Variants in SLC4A4 observed in about 807,000 individuals in gnomAD.
The protein encoded by SLC4A4 is solute carrier family 4 member 4.
In SLC4A4, 27 loss-of-function variants were observed where a neutral mutation model predicts 111.5. That is an observed-to-expected ratio of 0.24 (90% confidence interval 0.18 to 0.33). The LOEUF (loss-of-function observed/expected upper bound fraction) is 0.33. Among genes scored for constraint, SLC4A4 ranks in the 10% least tolerant of loss-of-function variants. The probability of loss-of-function intolerance (pLI) is 1.00; values close to 1 mark genes in which losing one functional copy is unlikely to be tolerated. For synonymous variants in SLC4A4, 443 were observed against 463.4 expected (o/e 0.96, Z 0.57); for missense variants, 909 against 1,315.5 (o/e 0.69, Z 4.78).
At chr4:71,533,740 C>T (rs139017178) in intron 17 of SLC4A4, among the ~76,000 whole-genome samples, 3 of 151,916 alleles carry the variant, frequency 2.0e-5, no homozygotes, top group Non-Finnish European at 2.9e-5. Flanking sequence ...TGTTAAAATT[C>T]GGCAATAGTA....
rs774799248 is a variant in SLC4A4, at chr4:71,472,911, C to T, written c.1844C>T (p.Ser615Phe). The T allele has an allele frequency of 6.2e-7, 1 of 1,612,964 alleles. No homozygotes were observed. The highest frequency in any genetic ancestry group is 2.2e-5 in the East Asian group (1 of 44,784). The change falls in exon 14 of 26, where the codon TCC becomes TTC. Residue 615 changes from serine (S) to phenylalanine (F), a missense_variant. Ser to Phe is a radical substitution (Grantham distance 155). Around this residue, in one of 7 missense-constraint regions of SLC4A4, gnomAD observed 264 missense variants for 356.8 expected, o/e 0.74. Coordinates refer to ENST00000264485, the MANE Select transcript of SLC4A4 (RefSeq NM_001098484.3). ...CTTGCAGATTACTACCCCATCAACT[C>T]CAACTTCAAAGTGGGCTACAACACT... The part of the protein sequence containing the change: ...IKLADYYPIN[S>F]NFKVGYNTLF...
chr4:71,165,064 A>G (rs909424968), intron 2 of SLC4A4, among the ~76,000 whole-genome samples: 25 of 152,314 alleles, frequency 1.6e-4, no homozygotes, highest in Non-Finnish European at 3.2e-4. Flanking sequence ...CAAATGCTGG[A>G]GAGGATGTGG....
intron 1 of SLC4A4, among the ~76,000 whole-genome samples, chr4:71,069,053 C>T (rs1402529741): frequency 6.6e-6 from 1 of 152,212 alleles, no homozygotes; most frequent in Non-Finnish European, 1.5e-5. Flanking sequence ...TGTTAGAGGG[C>T]AGCCTTTGGC....
At chr4:71,478,060 T>A (rs1000960349) in intron 14 of SLC4A4, among the ~76,000 whole-genome samples, 11 of 151,862 alleles carry the variant, frequency 7.2e-5, no homozygotes. Flanking sequence ...AAAACCACAA[T>A]GAGATACCAT....
chr4:71,320,995 G>C (rs533712794), intron 3 of SLC4A4, among the ~76,000 whole-genome samples: 1 of 151,992 alleles, frequency 6.6e-6, no homozygotes, highest in Non-Finnish European at 1.5e-5. Flanking sequence ...TCTAATATAA[G>C]GGATTAAGAA....
intron 6 of SLC4A4, among the ~76,000 whole-genome samples, chr4:71,372,089 T>C (rs1731947325): frequency 6.6e-6 from 1 of 152,254 alleles, no homozygotes. Flanking sequence ...AACAAATTTG[T>C]AACAAGGTTT....
At chr4:71,512,147 G>A (rs545030692) in intron 16 of SLC4A4, among the ~76,000 whole-genome samples, 10 of 152,112 alleles carry the variant, frequency 6.6e-5, no homozygotes, top group Admixed American at 2.0e-4. Flanking sequence ...CCAGTACTGC[G>A]TTTGCTGGAT....
chr4:71,462,414 T>C lies in SLC4A4; in HGVS notation c.1498-4030T>C, dbSNP rs1726918304. Among the ~76,000 whole-genome samples, 3 of 145,530 alleles carry C rather than the reference T, an allele frequency of 2.1e-5. No homozygotes were observed. The South Asian group carries it at 6.7e-4, about 32-fold the overall frequency. On this transcript the variant is annotated intron_variant, in intron 12 of 25. Transcript: ENST00000264485. ...GAGATTATCCAGTCCAACCTCCTCATCTTTTTTTTTTTTTTTTTTTTTTTG... is the reference window on the plus strand; with the variant it reads ...GAGATTATCCAGTCCAACCTCCTCACCTTTTTTTTTTTTTTTTTTTTTTTG...
chr4:71,095,408 A>G (rs1742516299), intron 2 of SLC4A4, among the ~76,000 whole-genome samples: 2 of 152,212 alleles, frequency 1.3e-5, no homozygotes, highest in South Asian at 4.1e-4. Context: ...GGACAGCACC[A>G]GGGTGGGGAG....
At chr4:71,186,986 G>A (rs1745478077), upstream of SLC4A4, 1 of 152,518 alleles carries the variant, frequency 6.6e-6, no homozygotes, top group African/African-American at 2.4e-5. Context: ...ACATCCCCCC[G>A]CGCCACCTTT....
chr4:71,178,746 T>A (rs1472190464), intron 2 of SLC4A4, among the ~76,000 whole-genome samples: 1 of 152,140 alleles, frequency 6.6e-6, no homozygotes, highest in Non-Finnish European at 1.5e-5. Context: ...CAGGACCAGA[T>A]GGATTCACAG....
rs553589508 is a variant in SLC4A4, at chr4:71,161,057, C to G, written c.-2+68265C>G. Among the ~76,000 whole-genome samples the G allele has an allele frequency of 5.9e-5, 9 of 152,280 alleles. 1 individual carries two copies. The South Asian group carries it at 1.9e-3, about 32-fold the overall frequency. On this transcript the variant is annotated intron_variant, in intron 2 of 26. Coordinates refer to the SLC4A4 transcript ENST00000649996. ...TCTATGCCTGGGGGCTGGGGTATGT[C>G]TGCTGAGGGCCAGAGGGCGGAGAGA...
intron 14 of SLC4A4, among the ~76,000 whole-genome samples, chr4:71,484,699 CAGT>C (rs1729209120): frequency 6.6e-6 from 1 of 151,660 alleles, no homozygotes; most frequent in East Asian, 1.9e-4. Context: ...AGAAGAATCT[CAGT>C]GGTGGTTCAA....
At chr4:71,131,812 AG>A (rs1743713959) in intron 2 of SLC4A4, among the ~76,000 whole-genome samples, 1 of 152,174 alleles carries the variant, frequency 6.6e-6, no homozygotes, top group Admixed American at 6.5e-5. Context: ...GTGTGTCTGG[AG>A]TCCCGAGCCC....
At chr4:71,191,814 C>A (rs539817682) in intron 1 of SLC4A4, among the ~76,000 whole-genome samples, 1 of 152,238 alleles carries the variant, frequency 6.6e-6, no homozygotes, top group South Asian at 2.1e-4. Context: ...AAATAAATAA[C>A]CACCAACTGA....
intron 5 of SLC4A4, among the ~76,000 whole-genome samples, chr4:71,353,828 C>A (rs1005468730): frequency 6.6e-6 from 1 of 152,198 alleles, no homozygotes; most frequent in Non-Finnish European, 1.5e-5. Flanking sequence ...ACCTGCTACC[C>A]CTCACCAGCC....
chr4:71,537,368 G>GTGTGTATATATTATACATATA (rs1560599536), intron 18 of SLC4A4, among the ~76,000 whole-genome samples: 24 of 145,832 alleles, frequency 1.6e-4, no homozygotes, highest in African/African-American at 2.6e-4. Context: ...ATATACATAT[G>GTGTGTATATATTATACATATA]TGTGTATATA....
chr4:71,366,002 G>A (rs1731219808), intron 6 of SLC4A4, among the ~76,000 whole-genome samples: 1 of 152,084 alleles, frequency 6.6e-6, no homozygotes, highest in African/African-American at 2.4e-5. Flanking sequence ...ATAATGTGAT[G>A]GTGAAGGGCT....
At chr4:71,188,072 G>GT (rs1440840036) in intron 1 of SLC4A4, among the ~76,000 whole-genome samples, 1 of 152,252 alleles carries the variant, frequency 6.6e-6, no homozygotes, top group Non-Finnish European at 1.5e-5. Flanking sequence ...TGGGCAGCAT[G>GT]TGAGTCTTGG....
Sources: gnomAD v4.1 joint callset for allele counts (sites outside exome capture counted in the v4.1 genomes callset) on GRCh38, gnomAD v4.1.1 for gene constraint, gnomAD v4.1.1 regional missense constraint, MANE v1.5 for transcripts, NCBI Gene and HGNC (gene_info 2026-07-23, HGNC 2026-07-21) for gene names.